VSTM4: variants seen among roughly 807,000 people sequenced by gnomAD.
The protein encoded by VSTM4 is V-set and transmembrane domain-containing protein 4.
A neutral mutation model predicts 36.4 loss-of-function variants in VSTM4; 20 were observed. That is an observed-to-expected ratio of 0.55 (90% CI 0.39 to 0.80). VSTM4 has a LOEUF of 0.80. VSTM4 is among the 30% of genes least tolerant of loss of function. VSTM4 has a pLI of 0.00. For missense variants in VSTM4, 392 were observed against 404.5 expected, an observed-to-expected ratio of 0.97 and a Z score of 0.26; for synonymous variants, 182 against 173.9, an observed-to-expected ratio of 1.05 and a Z score of -0.37.
intron 7 of VSTM4, among the ~76,000 whole-genome samples, chr10:49,031,959 T>A (rs193014909): frequency 7.7e-4 from 117 of 152,244 alleles, no homozygotes; most frequent in African/African-American, 2.6e-3. Flanking sequence ...CAGCCTGAGA[T>A]GTTCTCCCCA....
Position 49,107,986 on chromosome 10 carries a change from G to A in VSTM4, c.65C>T (p.Ala22Val), listed in dbSNP as rs149754840. The change falls in exon 2 of 8, where the codon GCG becomes GTG. Residue 22 changes from alanine (A) to valine (V), a missense_variant. Transcript: ENST00000332853. ...LARAPAPEVC[A>V]ALNVTVSPGP... is the part of the protein sequence containing the mutation. Reference sequence around the variant, plus strand: ...CGGGGACACAGTGACATTGAGGGCCGCACAGACCTCTGCAGAGAAAAAGGG... The same window carrying A: ...CGGGGACACAGTGACATTGAGGGCCACACAGACCTCTGCAGAGAAAAAGGG... 342 of 1,574,982 alleles carry A rather than the reference G, an allele frequency of 2.2e-4. No individual in the cohort carries two copies. The highest frequency in any genetic ancestry group is 6.8e-4 in the Middle Eastern group (4 of 5,898).
intron 6 of VSTM4, among the ~76,000 whole-genome samples, chr10:49,047,777 T>C (rs1456488729): frequency 6.6e-6 from 1 of 152,204 alleles, no homozygotes; most frequent in Non-Finnish European, 1.5e-5. Context: ...GGGCTTGATG[T>C]GTCCCTAGGG....
rs1397313545 is a variant in VSTM4 at position 49,014,395 on chromosome 10, A to C, written c.*5255T>G. The C allele has an allele frequency of 3.3e-5, 5 of 152,250 alleles. No individual in the cohort carries two copies. The highest frequency in any genetic ancestry group is 2.0e-4 in the Admixed American group (3 of 15,284). The allele number at this position is 152,250 out of a possible 1,614,324, so 9.4% of individuals were successfully genotyped here. A position where few individuals can be genotyped will look rare whatever the true frequency, so the allele number is the denominator to read the frequency against. ...GAGTGACGCTAATAGCATTGTGTTTATTAGAAATTGGGCACCAAGTCGTCT... is the reference window on the plus strand; with the variant it reads ...GAGTGACGCTAATAGCATTGTGTTTCTTAGAAATTGGGCACCAAGTCGTCT... On this transcript the variant is annotated 3_prime_UTR_variant, in exon 8 of 8. Transcript: ENST00000332853.
intron 1 of VSTM4, among the ~76,000 whole-genome samples, chr10:49,112,677 G>T (rs1844918067): frequency 6.6e-6 from 1 of 152,196 alleles, no homozygotes; most frequent in African/African-American, 2.4e-5. Context: ...ATGGTTGGAA[G>T]TCCTCACACC....
At chr10:49,097,304 G>A (rs1184530118) in intron 2 of VSTM4, among the ~76,000 whole-genome samples, 1 of 152,208 alleles carries the variant, frequency 6.6e-6, no homozygotes, top group African/African-American at 2.4e-5. Context: ...TCCTCCTGCT[G>A]AGCAAGTCTA....
chr10:49,087,856 C>A (rs746445738), intron 2 of VSTM4, among the ~76,000 whole-genome samples: 3 of 149,414 alleles, frequency 2.0e-5, no homozygotes, highest in Non-Finnish European at 3.0e-5. Flanking sequence ...CTTCAGATAA[C>A]AATTAAGATA....
At chr10:49,020,074 A>G (rs1843159542) in intron 7 of VSTM4, among the ~76,000 whole-genome samples, 1 of 152,222 alleles carries the variant, frequency 6.6e-6, no homozygotes, top group East Asian at 1.9e-4. Context: ...AATGCTGAAG[A>G]GTAAAAATAA....
chr10:49,093,930 G>A, intron 2 of VSTM4, among the ~76,000 whole-genome samples: 1 of 151,760 alleles, frequency 6.6e-6, no homozygotes, highest in East Asian at 1.9e-4. Context: ...TGTATTTTTA[G>A]TAGAGATGGG....
At chr10:49,074,496 C>T (rs747702991) in intron 4 of VSTM4, among the ~76,000 whole-genome samples, 3 of 152,200 alleles carry the variant, frequency 2.0e-5, no homozygotes, top group Admixed American at 6.5e-5. Context: ...CAGGTTCCCA[C>T]GTGAACGGTC....
chr10:49,107,517 C>A (rs1844803826), intron 2 of VSTM4, 77 bp downstream of exon 2: 1 of 1,518,656 alleles, frequency 6.6e-7, no homozygotes. Context: ...CCCGGGAGCC[C>A]CTGGGTGGTG....
chr10:49,090,309 A>G (rs578059646), intron 2 of VSTM4, among the ~76,000 whole-genome samples: 1 of 152,328 alleles, frequency 6.6e-6, no homozygotes, highest in African/African-American at 2.4e-5. Context: ...ACAATTGGAA[A>G]GAAGATGACA....
intron 3 of VSTM4, among the ~76,000 whole-genome samples, chr10:49,080,939 C>T (rs1316713524): frequency 6.6e-6 from 1 of 152,178 alleles, no homozygotes; most frequent in Non-Finnish European, 1.5e-5. Flanking sequence ...GATGTGTGGG[C>T]TCTGTAGATT....
chr10:49,090,689 C>G (rs181895862), intron 2 of VSTM4, among the ~76,000 whole-genome samples: 48 of 152,318 alleles, frequency 3.2e-4, no homozygotes, highest in African/African-American at 1.1e-3. Flanking sequence ...CCACAGCCCC[C>G]CTCTGGGTGA....
chr10:49,030,369 C>G (rs1843326965), intron 7 of VSTM4, among the ~76,000 whole-genome samples: 1 of 152,158 alleles, frequency 6.6e-6, no homozygotes, highest in African/African-American at 2.4e-5. Context: ...ACCCAGGGTC[C>G]AGAGACACAT....
At chr10:49,032,468 T>C (rs1271301945) in intron 7 of VSTM4, among the ~76,000 whole-genome samples, 1 of 152,224 alleles carries the variant, frequency 6.6e-6, no homozygotes, top group East Asian at 1.9e-4. Flanking sequence ...TGACTACCCT[T>C]ACCACAGCTA....
chr10:49,043,903 T>A (rs1487285724), intron 7 of VSTM4, among the ~76,000 whole-genome samples: 2 of 152,254 alleles, frequency 1.3e-5, no homozygotes, highest in African/African-American at 4.8e-5. Flanking sequence ...AAGGACTTTT[T>A]ATGAGTTTAC....
At chr10:49,079,334 G>C (rs773767286) in intron 3 of VSTM4, among the ~76,000 whole-genome samples, 37 of 152,098 alleles carry the variant, frequency 2.4e-4, no homozygotes, top group Non-Finnish European at 4.0e-4. Flanking sequence ...CTCCTGAGTA[G>C]CTAAAATTAC....
rs552002260 is a variant in VSTM4, at chr10:49,014,435, C to T, written c.*5215G>A. ...CCAAGTCGTCTTTCACCAGTGACAA[C>T]AGAAGGAACAGAAAACCTCCATGGC... On this transcript the variant is annotated 3_prime_UTR_variant, in exon 8 of 8. Coordinates refer to ENST00000332853, the MANE Select transcript of VSTM4 (RefSeq NM_001031746.5). 31 of 152,290 alleles carry T rather than the reference C, an allele frequency of 2.0e-4. No homozygotes were observed. The highest frequency in any genetic ancestry group is 2.0e-3 in the Admixed American group (30 of 15,298). The allele number at this position is 152,290 out of a possible 1,614,324, so 9.4% of individuals were successfully genotyped here.
rs1415610774 is a variant in VSTM4 at position 49,077,288 on chromosome 10, T to C, written c.565A>G (p.Ile189Val). 6.2e-7 allele frequency: 1 copy of C among 1,614,058 alleles called. No individual in the cohort carries two copies. The highest frequency in any genetic ancestry group is 8.5e-7 in the Non-Finnish European group (1 of 1,180,006). Reference sequence around the variant, plus strand: ...AGCATGAAGAGCAGAATGCTGAGGATCCCCACGCAGCACACGAGGACAGCA... The same window carrying C: ...AGCATGAAGAGCAGAATGCTGAGGACCCCCACGCAGCACACGAGGACAGCA... ...VYAVLVCCVG[I>V]LSILLFMLVI... The change falls in exon 4 of 8, where the codon ATC (isoleucine) becomes GTC (valine). Residue 189 changes from isoleucine (I) to valine (V), a missense_variant. Coordinates refer to ENST00000332853, the MANE Select transcript of VSTM4 (RefSeq NM_001031746.5).
Sources: allele counts gnomAD v4.1 joint callset (sites outside exome capture counted in the v4.1 genomes callset), GRCh38; gene constraint gnomAD v4.1.1; transcripts MANE v1.5; gene names NCBI Gene and HGNC (gene_info 2026-07-23, HGNC 2026-07-21).